Variants in LAMC1 observed in about 807,000 individuals in gnomAD.
LAMC1 encodes laminin subunit gamma-1.
LAMC1 carries 38 observed loss-of-function variants against 173.6 expected under a neutral mutation model. That is an observed-to-expected ratio of 0.22 (90% CI 0.17 to 0.29). The LOEUF (loss-of-function observed/expected upper bound fraction) is 0.29, where lower values mean the gene tolerates loss of function less well. Ranked by LOEUF, LAMC1 falls within the 10% of genes least tolerant of loss-of-function variation. The probability of loss-of-function intolerance (pLI) is 1.00; values close to 1 mark genes in which losing one functional copy is unlikely to be tolerated. For missense variants in LAMC1, 1,824 were observed against 2,051.8 expected (o/e 0.89, Z 2.14); for synonymous variants, 746 against 749.1 (o/e 1.00, Z 0.07).
At chr1:183,073,500 CT>C (rs1389571628) in intron 1 of LAMC1, among the ~76,000 whole-genome samples, 1 of 152,182 alleles carries the variant, frequency 6.6e-6, no homozygotes, top group African/African-American at 2.4e-5. Context: ...CTTTTATCAT[CT>C]GTGTAAAGGG....
At chr1:183,084,758 C>G (rs1234548541) in intron 1 of LAMC1, among the ~76,000 whole-genome samples, 1 of 152,054 alleles carries the variant, frequency 6.6e-6, no homozygotes, top group East Asian at 1.9e-4. Flanking sequence ...ACGACGCATC[C>G]TTTTTTTATT....
chr1:183,048,776 T>C lies in LAMC1; in HGVS notation c.418+24642T>C, dbSNP rs539695419. Among the ~76,000 whole-genome samples the C allele has an allele frequency of 4.3e-4, 65 of 152,260 alleles. 1 individual carries two copies. In the South Asian group the frequency reaches 0.013, roughly 31 times the overall value. ...CATGAGTGTCTGTTGGGCTTGAAAATCTTCACTTTACAGCACCTCATCCTC... is the reference window on the plus strand; with the variant it reads ...CATGAGTGTCTGTTGGGCTTGAAAACCTTCACTTTACAGCACCTCATCCTC... On this transcript the variant is annotated intron_variant, in intron 1 of 27. Transcript: ENST00000258341.
At chr1:183,024,981 T>G (rs1050332518) in intron 1 of LAMC1, among the ~76,000 whole-genome samples, 5 of 152,238 alleles carry the variant, frequency 3.3e-5, no homozygotes, top group Non-Finnish European at 2.9e-5. Context: ...TAATGTTCGG[T>G]CTAGCTAAGG....
intron 1 of LAMC1, among the ~76,000 whole-genome samples, chr1:183,057,860 T>C (rs946738522): frequency 2.0e-5 from 3 of 152,190 alleles, no homozygotes; most frequent in African/African-American, 7.2e-5. Flanking sequence ...TATTGAGATG[T>C]TCTTTTTTTC....
chr1:183,107,857 C>T (rs1656027615), intron 2 of LAMC1, among the ~76,000 whole-genome samples: 1 of 151,886 alleles, frequency 6.6e-6, no homozygotes, highest in Non-Finnish European at 1.5e-5. Context: ...AGGACAGGGG[C>T]AGGCAATGAC....
chr1:183,137,383 C>T (rs368922265), intron 25 of LAMC1, among the ~76,000 whole-genome samples: 1 of 151,894 alleles, frequency 6.6e-6, no homozygotes, highest in African/African-American at 2.4e-5. Context: ...TCTGTATGAC[C>T]CCAACTAAAA....
intron 2 of LAMC1, 53 bp downstream of exon 2, chr1:183,103,685 G>A (rs1394944955): frequency 2.0e-6 from 3 of 1,476,720 alleles, no homozygotes; most frequent in Non-Finnish European, 2.7e-6. Context: ...CATGCGAGGT[G>A]TGGGAAGATT....
intron 1 of LAMC1, among the ~76,000 whole-genome samples, chr1:183,075,750 T>A (rs998894020): frequency 3.3e-5 from 5 of 152,192 alleles, no homozygotes; most frequent in African/African-American, 1.2e-4. Context: ...ATTTACACTT[T>A]CTAGAGTTAG....
intron 1 of LAMC1, among the ~76,000 whole-genome samples, chr1:183,049,835 A>G (rs1373952678): frequency 6.6e-6 from 1 of 152,192 alleles, no homozygotes; most frequent in South Asian, 2.1e-4. Context: ...CAAAAAAAAA[A>G]AATCATTCTG....
At chr1:183,111,101 T>TC (rs1420625171) in intron 4 of LAMC1, among the ~76,000 whole-genome samples, 1 of 151,674 alleles carries the variant, frequency 6.6e-6, no homozygotes, top group Non-Finnish European at 1.5e-5. Context: ...TCTTTTCTTT[T>TC]TTTTTTTTTG....
intron 1 of LAMC1, among the ~76,000 whole-genome samples, chr1:183,050,978 T>A (rs1654411993): frequency 1.3e-5 from 2 of 152,048 alleles, no homozygotes; most frequent in Non-Finnish European, 2.9e-5. Flanking sequence ...AAATTCTGAG[T>A]TAGCAGGTTA....
rs377336612 is a variant in LAMC1, at chr1:183,098,167, GT to G, written c.419-5159del. Reference sequence around the variant, plus strand: ...GGTCCAGTTTTCTATTCATCTACCTGTTAACTGGATCTTCTTACTTTGTCAA... The same window carrying G: ...GGTCCAGTTTTCTATTCATCTACCTGTAACTGGATCTTCTTACTTTGTCAA... On this transcript the variant is annotated intron_variant, in intron 1 of 27. Coordinates refer to ENST00000258341, the MANE Select transcript of LAMC1 (RefSeq NM_002293.4). 5.0e-4 allele frequency among the ~76,000 whole-genome samples: 76 copies of G among 152,302 alleles called. 1 individual carries two copies. The East Asian group carries it at 0.01, about 20-fold the overall frequency.
In LAMC1 at chr1:183,116,786, A is replaced by G. The variant is rs1656335601; in HGVS notation, c.1447A>G (p.Asn483Asp). ...NCERCKPGFFNLESSNPRGCT... is the reference protein window; with the variant it reads ...NCERCKPGFFDLESSNPRGCT... ...TTTCAGATGCAAACCTGGATTTTTT[A>G]ATCTGGAATCATCTAATCCTCGGGG... The change falls in exon 8 of 28, where the codon AAT becomes GAT. Residue 483 changes from asparagine (N) to aspartate (D), a missense_variant. Transcript: ENST00000258341. 1.2e-6 allele frequency: 2 copies of G among 1,613,894 alleles called. No homozygotes were observed. The highest frequency in any genetic ancestry group is 1.7e-5 in the Admixed American group (1 of 59,990).
chr1:183,113,995 G>A (rs796332381), intron 4 of LAMC1, among the ~76,000 whole-genome samples: 1 of 152,248 alleles, frequency 6.6e-6, no homozygotes, highest in South Asian at 2.1e-4. Context: ...TTTTTAGAGG[G>A]AGGAACATTT....
intron 1 of LAMC1, among the ~76,000 whole-genome samples, chr1:183,085,692 A>G (rs4652773): frequency 0.5 from 75,764 of 151,966 alleles, 19,563 homozygotes; most frequent in South Asian, 0.64. Context: ...AGGGGCGGGG[A>G]GAATGCATTT....
chr1:183,134,992 G>A, intron 23 of LAMC1, 50 bp from the exon 24 acceptor site: 1 of 1,490,096 alleles, frequency 6.7e-7, no homozygotes, highest in African/African-American at 1.4e-5. Context: ...CCAGGAGACA[G>A]AAGGGATTTG....
At chr1:183,074,188 G>A (rs1571423222) in intron 1 of LAMC1, among the ~76,000 whole-genome samples, 1 of 152,296 alleles carries the variant, frequency 6.6e-6, no homozygotes. Context: ...CAGACTGACA[G>A]GTTAGTGCCA....
At chr1:183,028,704 ACC>A (rs1558026032) in intron 1 of LAMC1, among the ~76,000 whole-genome samples, 1 of 152,240 alleles carries the variant, frequency 6.6e-6, no homozygotes, top group African/African-American at 2.4e-5. Context: ...GTTCAGAGAT[ACC>A]AGACTCCTTT....
At chr1:183,095,130 C>T (rs1386086810) in intron 1 of LAMC1, among the ~76,000 whole-genome samples, 1 of 152,146 alleles carries the variant, frequency 6.6e-6, no homozygotes, top group African/African-American at 2.4e-5. Context: ...CAGGTGTGAG[C>T]CACCGCGCCC....
Sources: allele counts gnomAD v4.1 joint callset (sites outside exome capture counted in the v4.1 genomes callset), GRCh38; gene constraint gnomAD v4.1.1; transcripts MANE v1.5; gene names NCBI Gene and HGNC (gene_info 2026-07-23, HGNC 2026-07-21).